GTF2F2: variants seen among roughly 807,000 people sequenced by gnomAD.
GTF2F2 encodes ATP-dependent helicase GTF2F2.
GTF2F2 carries 23 observed loss-of-function variants against 42.2 expected under a neutral mutation model. That is an observed-to-expected ratio of 0.55 (90% confidence interval 0.39 to 0.77). GTF2F2 has a LOEUF of 0.77. GTF2F2 is among the 30% of genes least tolerant of loss of function. The pLI is 0.00. For missense variants in GTF2F2, 261 were observed against 287.2 expected, an observed-to-expected ratio of 0.91 and a Z score of 0.66; for synonymous variants, 105 against 100.8, an observed-to-expected ratio of 1.04 and a Z score of -0.25.
At chr13:45,133,633 C>G (rs1480515174) in intron 1 of GTF2F2, among the ~76,000 whole-genome samples, 1 of 152,156 alleles carries the variant, frequency 6.6e-6, no homozygotes, top group Non-Finnish European at 1.5e-5. Context: ...TAGTGAAGGC[C>G]GTGGAATAAG....
At chr13:45,138,844 C>T (rs2138103679) in intron 2 of GTF2F2, among the ~76,000 whole-genome samples, 1 of 152,274 alleles carries the variant, frequency 6.6e-6, no homozygotes, top group African/African-American at 2.4e-5. Flanking sequence ...CGGGGTTTCG[C>T]CATGTTGGCC....
At chr13:45,265,546 G>A (rs1000742238) in intron 6 of GTF2F2, among the ~76,000 whole-genome samples, 1 of 152,108 alleles carries the variant, frequency 6.6e-6, no homozygotes, top group Non-Finnish European at 1.5e-5. Context: ...TTTACTCCCA[G>A]TTCGTACATA....
intron 7 of GTF2F2, among the ~76,000 whole-genome samples, chr13:45,274,379 T>G (rs1876933632): frequency 7.3e-6 from 1 of 137,630 alleles, no homozygotes; most frequent in African/African-American, 2.9e-5. Flanking sequence ...CAGGCTGGAG[T>G]GCAGTGACGC....
At chr13:45,195,036 T>A (rs1452968095) in intron 4 of GTF2F2, among the ~76,000 whole-genome samples, 1 of 152,232 alleles carries the variant, frequency 6.6e-6, no homozygotes, top group African/African-American at 2.4e-5. Context: ...GTCATCTTTT[T>A]AAAGTAAATT....
intron 5 of GTF2F2, among the ~76,000 whole-genome samples, chr13:45,229,119 G>T (rs1271151989): frequency 6.6e-6 from 1 of 152,180 alleles, no homozygotes; most frequent in Non-Finnish European, 1.5e-5. Flanking sequence ...CTGACCTCAG[G>T]TGATCTGCCC....
At chr13:45,263,288 C>A (rs1477290586) in intron 6 of GTF2F2, among the ~76,000 whole-genome samples, 2 of 151,260 alleles carry the variant, frequency 1.3e-5, no homozygotes, top group Non-Finnish European at 1.5e-5. Flanking sequence ...AGTGCAGTGG[C>A]GCGATCTCGG....
intron 4 of GTF2F2, among the ~76,000 whole-genome samples, chr13:45,196,472 G>A (rs1872896300): frequency 6.6e-6 from 1 of 152,196 alleles, no homozygotes; most frequent in South Asian, 2.1e-4. Context: ...AATAGATTTT[G>A]AGGGAGAAGG....
intron 7 of GTF2F2, among the ~76,000 whole-genome samples, chr13:45,279,134 T>C (rs867742303): frequency 6.6e-6 from 1 of 152,324 alleles, no homozygotes; most frequent in Middle Eastern, 3.4e-3. Context: ...AATATGCCTT[T>C]TTCTTTGCCC....
intron 7 of GTF2F2, among the ~76,000 whole-genome samples, chr13:45,280,160 C>A (rs1371324063): frequency 6.6e-6 from 1 of 151,982 alleles, no homozygotes; most frequent in Non-Finnish European, 1.5e-5. Flanking sequence ...TGGGAAAAAC[C>A]CAGAAGCACG....
At chr13:45,220,574 G>A (rs1874066955) in intron 5 of GTF2F2, among the ~76,000 whole-genome samples, 1 of 152,082 alleles carries the variant, frequency 6.6e-6, no homozygotes, top group Admixed American at 6.6e-5. Context: ...TCCCAGGCAG[G>A]AATGGCACAG....
Position 45,165,655 on chromosome 13 carries a change from A to G in GTF2F2, c.304+13824A>G, listed in dbSNP as rs146794534. Among the ~76,000 whole-genome samples, 404 of 150,878 alleles carry G rather than the reference A, an allele frequency of 2.7e-3. 1 individual carries two copies. The highest frequency in any genetic ancestry group is 9.7e-3 in the African/African-American group (393 of 40,616). On this transcript the variant is annotated intron_variant, in intron 4 of 7. Coordinates refer to ENST00000340473, the MANE Select transcript of GTF2F2 (RefSeq NM_004128.3). ...TAGAGAAATAGTACAGTGAACTTCC[A>G]TATACCTATCATTCATCTTCCTGTG... is the stretch of plus-strand genomic sequence containing the variant.
At position 45,127,950 on chromosome 13, in the gene GTF2F2, T is replaced by C. The variant is rs1300350493; in HGVS notation, c.66+7229T>C. 2.7e-3 allele frequency among the ~76,000 whole-genome samples: 351 copies of C among 130,986 alleles called. 2 individuals carry two copies. Among genetic ancestry groups the C allele is most frequent in the African/African-American group, 9.9e-3 (336 of 34,100 alleles). The allele number at this position is 130,986 out of a possible 152,430, so 85.9% of individuals were successfully genotyped here. ...CTGGCACCCCGGCCTTTTTTTTTTT[T>C]TTTTTTTTTTTTTTTTTTTCTTTTT... On this transcript the variant is annotated intron_variant, in intron 1 of 7. Transcript: ENST00000340473.
At chr13:45,129,441 C>T (rs1311237016) in intron 1 of GTF2F2, among the ~76,000 whole-genome samples, 1 of 152,160 alleles carries the variant, frequency 6.6e-6, no homozygotes, top group Non-Finnish European at 1.5e-5. Flanking sequence ...AACTCCTGTG[C>T]TCAAATGATC....
At chr13:45,201,835 G>T (rs1408406505) in intron 4 of GTF2F2, among the ~76,000 whole-genome samples, 2 of 152,164 alleles carry the variant, frequency 1.3e-5, no homozygotes, top group African/African-American at 4.8e-5. Flanking sequence ...CCAAGGAAAA[G>T]ATATGAATTG....
chr13:45,183,475 G>A (rs530496048), intron 4 of GTF2F2, among the ~76,000 whole-genome samples: 1 of 152,146 alleles, frequency 6.6e-6, no homozygotes, highest in African/African-American at 2.4e-5. Flanking sequence ...GCAAGACGGG[G>A]AAGGTAAAGG....
chr13:45,144,878 G>A (rs1870118367), intron 2 of GTF2F2, among the ~76,000 whole-genome samples: 1 of 152,138 alleles, frequency 6.6e-6, no homozygotes, highest in African/African-American at 2.4e-5. Flanking sequence ...AGTTCAATTT[G>A]TTACAAACTT....
chr13:45,236,490 TACACACACAC>T (rs3047056), intron 5 of GTF2F2, among the ~76,000 whole-genome samples: 3,279 of 142,022 alleles, frequency 0.023, 91 homozygotes, highest in African/African-American at 0.064. Flanking sequence ...CCGCCACACA[TACACACACAC>T]ACACACACAC....
chr13:45,196,867 G>A (rs1450169836), intron 4 of GTF2F2, among the ~76,000 whole-genome samples: 1 of 152,114 alleles, frequency 6.6e-6, no homozygotes, highest in African/African-American at 2.4e-5. Context: ...AAGTGGGACT[G>A]CTGACCTTCA....
chr13:45,283,123 G>C (rs1039888766), intron 7 of GTF2F2, among the ~76,000 whole-genome samples: 3 of 152,074 alleles, frequency 2.0e-5, no homozygotes, highest in Admixed American at 6.5e-5. Context: ...GTCACACTGA[G>C]TGAGGACCAG....
Sources: gnomAD v4.1 joint callset for allele counts (sites outside exome capture counted in the v4.1 genomes callset) on GRCh38, gnomAD v4.1.1 for gene constraint, MANE v1.5 for transcripts, NCBI Gene and HGNC (gene_info 2026-07-23, HGNC 2026-07-21) for gene names.